Variants in CAMK2D observed in about 807,000 individuals in gnomAD.
CAMK2D encodes calcium/calmodulin dependent protein kinase II delta.
A neutral mutation model predicts 84.0 loss-of-function variants in CAMK2D; 37 were observed. That is an observed-to-expected ratio of 0.44 (90% CI 0.34 to 0.58). The LOEUF (loss-of-function observed/expected upper bound fraction) is 0.58. Ranked by LOEUF, CAMK2D falls within the 20% of genes least tolerant of loss-of-function variation. The pLI is 0.02. For missense variants in CAMK2D, 448 were observed against 652.5 expected (o/e 0.69, Z 3.41); for synonymous variants, 202 against 212.5 (o/e 0.95, Z 0.43).
chr4:113,599,489 T>C (rs1352393466), intron 4 of CAMK2D, among the ~76,000 whole-genome samples: 2 of 152,160 alleles, frequency 1.3e-5, no homozygotes, highest in Non-Finnish European at 2.9e-5. Context: ...CAATGAAATA[T>C]TATTCAACGA....
At position 113,458,493 on chromosome 4, in the gene CAMK2D, T is replaced by G. The variant is rs140768156; in HGVS notation, c.1307-930A>C. 6.1e-3 allele frequency among the ~76,000 whole-genome samples: 925 copies of G among 152,310 alleles called. 32 individuals carry two copies. Among genetic ancestry groups the G allele is most frequent in the East Asian group, 0.013 (70 of 5,192 alleles). ...AATACCCCATTATGAAGGAATTATATTTATGGAACATGATATATAGTGTTA... is the reference window on the plus strand; with the variant it reads ...AATACCCCATTATGAAGGAATTATAGTTATGGAACATGATATATAGTGTTA... On this transcript the variant is annotated intron_variant, in intron 18 of 20. Transcript: ENST00000511664.
chr4:113,660,833 C>G (rs1047883926), intron 3 of CAMK2D, among the ~76,000 whole-genome samples: 2 of 144,166 alleles, frequency 1.4e-5, no homozygotes, highest in South Asian at 4.3e-4. Flanking sequence ...CTCGCTCTCT[C>G]GTCCCAGGCT....
chr4:113,499,208 A>G (rs946561076), intron 16 of CAMK2D, among the ~76,000 whole-genome samples: 2 of 152,222 alleles, frequency 1.3e-5, no homozygotes, highest in African/African-American at 4.8e-5. Context: ...ATGATTCATA[A>G]AACTACTTCA....
chr4:113,723,225 CTTTTTTTTT>C (rs869114577), intron 2 of CAMK2D, among the ~76,000 whole-genome samples: 1 of 140,438 alleles, frequency 7.1e-6, no homozygotes, highest in Non-Finnish European at 1.6e-5. Flanking sequence ...CCAAAAATAA[CTTTTTTTTT>C]TTTTTTTTGA....
intron 4 of CAMK2D, among the ~76,000 whole-genome samples, chr4:113,567,448 G>A (rs1427446176): frequency 3.9e-5 from 6 of 152,142 alleles, no homozygotes; most frequent in Admixed American, 3.9e-4. Flanking sequence ...GATTACAGGT[G>A]TGAGCCACTG....
intron 12 of CAMK2D, among the ~76,000 whole-genome samples, chr4:113,510,270 A>G (rs1560600843): frequency 6.6e-6 from 1 of 152,346 alleles, no homozygotes; most frequent in East Asian, 1.9e-4. Flanking sequence ...TGTTTAGCAC[A>G]TGATCTCTAA....
chr4:113,614,909 A>C (rs931913109), intron 3 of CAMK2D, among the ~76,000 whole-genome samples: 4 of 152,194 alleles, frequency 2.6e-5, no homozygotes, highest in African/African-American at 9.6e-5. Flanking sequence ...TCTAAAACTG[A>C]GCATGGTAGG....
chr4:113,601,683 C>CTTTTTTTTTTTGT (rs2098953157), intron 4 of CAMK2D, among the ~76,000 whole-genome samples: 1 of 45,818 alleles, frequency 2.2e-5, no homozygotes. Context: ...ACTGTTTATT[C>CTTTTTTTTTTTGT]TTTTTTTTTT....
chr4:113,586,653 T>C (rs1436318598), intron 4 of CAMK2D, among the ~76,000 whole-genome samples: 1 of 152,130 alleles, frequency 6.6e-6, no homozygotes. Context: ...TAAAACACCT[T>C]CTGATCATGC....
chr4:113,504,925 A>C lies in CAMK2D; in HGVS notation c.1044+51T>G. 9 of 1,099,870 alleles carry C rather than the reference A, an allele frequency of 8.2e-6. No homozygotes were observed. The South Asian group carries it at 1.9e-4, about 23-fold the overall frequency. 68.1% of individuals were successfully genotyped at this position (1,099,870 alleles called of 1,614,324 possible). A position where few individuals can be genotyped will look rare whatever the true frequency, so the allele number is the denominator to read the frequency against. On this transcript the variant is annotated intron_variant, in intron 14 of 20. Transcript: ENST00000511664. ...GAAAGCAAATGAGAGAAACCACAAA[A>C]AAAAAAAAATGTAAAGAACTTAAGA...
Position 113,515,185 on chromosome 4 carries a change from A to T in CAMK2D, c.703T>A (p.Ser235Thr). Residue 235 changes from serine (S) to threonine (T), a missense_variant, in exon 10 of 21, where the codon TCA (serine) becomes ACA (threonine). Around this residue, in one of 7 missense-constraint regions of CAMK2D, gnomAD observed 69 missense variants for 175.6 expected, o/e 0.39. Coordinates refer to ENST00000511664, the MANE Select transcript of CAMK2D (RefSeq NM_001321571.2). ...GGAGTCACCGTGTCCCATTCTGGTG[A>T]TGGAAACTTCAAAAATATAAATTTA... ...QIKAGAYDFP[S>T]PEWDTVTPEA... 1 of 1,588,322 alleles carries T rather than the reference A, an allele frequency of 6.3e-7. No individual in the cohort carries two copies. Among genetic ancestry groups the T allele is most frequent in the Non-Finnish European group, 8.5e-7 (1 of 1,170,188 alleles).
At chr4:113,474,215 G>A (rs944703329) in intron 16 of CAMK2D, among the ~76,000 whole-genome samples, 1 of 152,198 alleles carries the variant, frequency 6.6e-6, no homozygotes, top group Non-Finnish European at 1.5e-5. Flanking sequence ...ACCATTTCCA[G>A]TTAAGAGTTG....
chr4:113,466,342 TA>T (rs1407930757), intron 16 of CAMK2D, among the ~76,000 whole-genome samples: 1 of 151,984 alleles, frequency 6.6e-6, no homozygotes, highest in Non-Finnish European at 1.5e-5. Flanking sequence ...ATTGGATTAG[TA>T]AACATATTTC....
chr4:113,674,556 A>G (rs1336886878), intron 2 of CAMK2D, among the ~76,000 whole-genome samples: 1 of 152,154 alleles, frequency 6.6e-6, no homozygotes, highest in Non-Finnish European at 1.5e-5. Flanking sequence ...TTCCTTCTAA[A>G]TTCTGAAAGA....
chr4:113,584,888 G>A (rs746615554), intron 4 of CAMK2D, among the ~76,000 whole-genome samples: 11 of 151,984 alleles, frequency 7.2e-5, no homozygotes, highest in Non-Finnish European at 4.4e-5. Flanking sequence ...GGTTCTTTAC[G>A]TATTTCTGCC....
chr4:113,507,314 G>A (rs899718923), intron 13 of CAMK2D, among the ~76,000 whole-genome samples: 5 of 151,534 alleles, frequency 3.3e-5, no homozygotes, highest in South Asian at 2.1e-4. Context: ...GCCATGGCGC[G>A]ATCTCGGCTC....
chr4:113,530,386 A>C (rs1422313220), intron 8 of CAMK2D, among the ~76,000 whole-genome samples: 2 of 152,264 alleles, frequency 1.3e-5, no homozygotes, highest in African/African-American at 4.8e-5. Context: ...GGTCAGGTGC[A>C]GAATTTTCCA....
intron 12 of CAMK2D, 65 bp downstream of exon 12, chr4:113,513,263 A>C (rs78264679): frequency 6.3e-7 from 1 of 1,576,982 alleles, no homozygotes; most frequent in Non-Finnish European, 8.6e-7. Context: ...TTCCAGAGAC[A>C]AAAAAACAGA....
At chr4:113,537,833 T>C (rs1349715752) in intron 6 of CAMK2D, among the ~76,000 whole-genome samples, 1 of 152,134 alleles carries the variant, frequency 6.6e-6, no homozygotes, top group Non-Finnish European at 1.5e-5. Context: ...CTTGGCAAAA[T>C]AATAACAAGA....
Sources: gnomAD v4.1 joint callset for allele counts (sites outside exome capture counted in the v4.1 genomes callset) on GRCh38, gnomAD v4.1.1 for gene constraint, gnomAD v4.1.1 regional missense constraint, MANE v1.5 for transcripts, NCBI Gene and HGNC (gene_info 2026-07-23, HGNC 2026-07-21) for gene names.